Variants in HECW1 observed in about 807,000 individuals in gnomAD.
HECW1 encodes HECT, C2 and WW domain containing E3 ubiquitin protein ligase 1, also known as E3 ubiquitin-protein ligase HECW1.
Under a neutral mutation model 182.3 loss-of-function variants are expected in HECW1, and 61 were observed. The observed-to-expected ratio is 0.33, with a 90% confidence interval of 0.27 to 0.41. The LOEUF is 0.41. Among genes scored for constraint, HECW1 ranks in the 10% least tolerant of loss-of-function variants. The probability of loss-of-function intolerance (pLI) is 1.00; values close to 1 mark genes in which losing one functional copy is unlikely to be tolerated. For missense variants in HECW1, 1,739 were observed against 2,108.9 expected (o/e 0.82, Z 3.44); for synonymous variants, 859 against 832.6 (o/e 1.03, Z -0.55).
intron 5 of HECW1, among the ~76,000 whole-genome samples, chr7:43,350,680 A>G (rs747674246): frequency 6.6e-6 from 1 of 152,130 alleles, no homozygotes; most frequent in Non-Finnish European, 1.5e-5. Context: ...AGCATTTCAC[A>G]TTTCTAAAAG....
At chr7:43,257,060 C>T (rs775744739) in intron 3 of HECW1, among the ~76,000 whole-genome samples, 2 of 152,210 alleles carry the variant, frequency 1.3e-5, no homozygotes, top group Non-Finnish European at 2.9e-5. Flanking sequence ...CTCACTCATC[C>T]TTTTCATCAT....
chr7:43,479,789 T>A (rs1189802215), intron 17 of HECW1, 45 bp downstream of exon 17: 2 of 1,609,388 alleles, frequency 1.2e-6, no homozygotes, highest in Admixed American at 3.3e-5. Context: ...GGTCACAGTC[T>A]CTGCCTCTTC....
At chr7:43,436,508 G>C (rs538616348) in intron 8 of HECW1, among the ~76,000 whole-genome samples, 68 of 152,260 alleles carry the variant, frequency 4.5e-4, no homozygotes, top group African/African-American at 9.6e-4. Context: ...ACAGGATTTG[G>C]GTAGACAGTG....
At chr7:43,315,570 T>A (rs1431836460) in intron 4 of HECW1, among the ~76,000 whole-genome samples, 1 of 152,050 alleles carries the variant, frequency 6.6e-6, no homozygotes, top group Non-Finnish European at 1.5e-5. Flanking sequence ...CCCAGCTCAC[T>A]GCAACCTCCG....
intron 16 of HECW1, among the ~76,000 whole-genome samples, chr7:43,478,796 G>A (rs115446152): frequency 0.01 from 1,537 of 151,956 alleles, 28 homozygotes; most frequent in African/African-American, 0.035. Context: ...ATAAAAAAGA[G>A]CATTTATCTT....
intron 2 of HECW1, among the ~76,000 whole-genome samples, chr7:43,180,342 G>A (rs1792712041): frequency 6.6e-6 from 1 of 151,926 alleles, no homozygotes; most frequent in Non-Finnish European, 1.5e-5. Context: ...TAATCAAATT[G>A]ACTTATATTT....
chr7:43,379,234 A>C (rs1242311563), intron 6 of HECW1, among the ~76,000 whole-genome samples: 4 of 152,166 alleles, frequency 2.6e-5, no homozygotes, highest in Admixed American at 1.3e-4. Flanking sequence ...CACCTCTCTG[A>C]TGTGGAGAGA....
At chr7:43,383,244 T>C (rs34954809) in intron 6 of HECW1, among the ~76,000 whole-genome samples, 69,445 of 152,064 alleles carry the variant, frequency 0.46, 16,106 homozygotes, top group Middle Eastern at 0.54. Flanking sequence ...AATAAACATA[T>C]GTGTGCATGT....
At chr7:43,449,829 T>G (rs2077174475) in intron 11 of HECW1, among the ~76,000 whole-genome samples, 1 of 152,212 alleles carries the variant, frequency 6.6e-6, no homozygotes, top group Admixed American at 6.5e-5. Context: ...CTTCTCACTC[T>G]GCAAAGATCA....
intron 8 of HECW1, among the ~76,000 whole-genome samples, chr7:43,418,864 C>T (rs1034452620): frequency 6.6e-6 from 1 of 152,080 alleles, no homozygotes; most frequent in Non-Finnish European, 1.5e-5. Context: ...GATGATGTCT[C>T]GAGCATTGTT....
chr7:43,164,362 C>T (rs962873315), intron 2 of HECW1, among the ~76,000 whole-genome samples: 3 of 152,190 alleles, frequency 2.0e-5, no homozygotes, highest in African/African-American at 7.2e-5. Flanking sequence ...AATGTTAGCA[C>T]ATATTGAAAC....
Position 43,436,456 on chromosome 7 carries a change from G to A in HECW1, c.802-1547G>A, listed in dbSNP as rs145829885. Reference sequence around the variant, plus strand: ...ACCTGGGCGCAGGCAGGCTGAGTCCGAAAAGGGAGTCAGCGAAGGGAGATA... The same window carrying A: ...ACCTGGGCGCAGGCAGGCTGAGTCCAAAAAGGGAGTCAGCGAAGGGAGATA... On this transcript the variant is annotated intron_variant, in intron 8 of 29. Coordinates refer to ENST00000395891, the MANE Select transcript of HECW1 (RefSeq NM_015052.5). Among the ~76,000 whole-genome samples, 52 of 152,236 alleles carry A rather than the reference G, an allele frequency of 3.4e-4. No homozygotes were observed. In the East Asian group the frequency reaches 9.3e-3, roughly 27 times the overall value.
chr7:43,491,898 A>G (rs2078945708), intron 17 of HECW1, among the ~76,000 whole-genome samples, 177 bp from the exon 18 acceptor site: 1 of 152,248 alleles, frequency 6.6e-6, no homozygotes, highest in Non-Finnish European at 1.5e-5. Context: ...TAACCATAGT[A>G]TAGCACATCA....
chr7:43,311,235 G>A (rs1050455748), intron 3 of HECW1, among the ~76,000 whole-genome samples: 3 of 152,202 alleles, frequency 2.0e-5, no homozygotes, highest in Non-Finnish European at 4.4e-5. Context: ...AAGGCATTCT[G>A]TAGAGTGAAA....
chr7:43,297,371 T>C (rs1450961617), intron 3 of HECW1, among the ~76,000 whole-genome samples: 1 of 152,264 alleles, frequency 6.6e-6, no homozygotes, highest in Non-Finnish European at 1.5e-5. Context: ...TTATTAATTA[T>C]GAAAATTGCT....
intron 24 of HECW1, among the ~76,000 whole-genome samples, chr7:43,513,977 GA>G (rs1246568087): frequency 1.3e-5 from 2 of 152,136 alleles, no homozygotes; most frequent in Non-Finnish European, 2.9e-5. Flanking sequence ...GCAAAGCAGG[GA>G]AATAACACTC....
intron 2 of HECW1, among the ~76,000 whole-genome samples, chr7:43,199,209 G>A (rs968770083): frequency 1.1e-4 from 16 of 152,200 alleles, no homozygotes; most frequent in African/African-American, 3.6e-4. Flanking sequence ...TTGCCTGCCT[G>A]TCTTTAGCTC....
At chr7:43,489,083 G>T (rs2078831202) in intron 17 of HECW1, among the ~76,000 whole-genome samples, 2 of 152,124 alleles carry the variant, frequency 1.3e-5, no homozygotes, top group South Asian at 4.1e-4. Flanking sequence ...TCATTTCTGG[G>T]TGATGCCCTG....
At chr7:43,527,272 G>T (rs935165501) in intron 24 of HECW1, among the ~76,000 whole-genome samples, 5 of 152,150 alleles carry the variant, frequency 3.3e-5, no homozygotes, top group Admixed American at 2.0e-4. Context: ...ACTTTCCTAA[G>T]GCTGCCATAG....
Sources: allele counts gnomAD v4.1 joint callset (sites outside exome capture counted in the v4.1 genomes callset), GRCh38; gene constraint gnomAD v4.1.1; transcripts MANE v1.5; gene names NCBI Gene and HGNC (gene_info 2026-07-23, HGNC 2026-07-21).